CTBP2: variants seen among roughly 807,000 people sequenced by gnomAD.
The protein encoded by CTBP2 is C-terminal-binding protein 2.
Under a neutral mutation model 80.3 loss-of-function variants are expected in CTBP2, and 30 were observed. That is an observed-to-expected ratio of 0.37 (90% CI 0.28 to 0.51). The LOEUF (loss-of-function observed/expected upper bound fraction) is 0.51, where lower values mean the gene tolerates loss of function less well. Ranked by LOEUF, CTBP2 falls within the 20% of genes least tolerant of loss-of-function variation. CTBP2 has a pLI of 0.93. For synonymous variants in CTBP2, 594 were observed against 587.4 expected (o/e 1.01, Z -0.16); for missense variants, 1,212 against 1,375.3 (o/e 0.88, Z 1.88).
chr10:125,001,892 T>C (rs1383415463), intron 3 of CTBP2, among the ~76,000 whole-genome samples: 1 of 152,194 alleles, frequency 6.6e-6, no homozygotes, highest in South Asian at 2.1e-4. Context: ...CTGGAGCCCA[T>C]GGGGGTGGCC....
At chr10:124,991,766 A>G (rs1952655046) in intron 8 of CTBP2, among the ~76,000 whole-genome samples, 1 of 152,002 alleles carries the variant, frequency 6.6e-6, no homozygotes, top group African/African-American at 2.4e-5. Flanking sequence ...GGCCCCAAAT[A>G]TACTTATTGC....
intron 1 of CTBP2, among the ~76,000 whole-genome samples, chr10:125,144,173 G>T (rs1343943062): frequency 6.6e-6 from 1 of 152,134 alleles, no homozygotes; most frequent in Non-Finnish European, 1.5e-5. Context: ...CAACCCGGGG[G>T]ACTCCCACCA....
At chr10:125,125,155 G>A (rs915599274) in intron 1 of CTBP2, among the ~76,000 whole-genome samples, 5 of 152,320 alleles carry the variant, frequency 3.3e-5, no homozygotes, top group Admixed American at 2.0e-4. Context: ...ATGGCTTGCT[G>A]AACTCTGTGT....
chr10:124,986,321 ACAG>A lies in CTBP2; in HGVS notation c.*3194_*3196del, dbSNP rs1480456467. ...CACACACACACACACACACACACACACAGTTTTTTCCTTCCCTGTGATGAAAAA... is the reference window on the plus strand; with the variant it reads ...CACACACACACACACACACACACACATTTTTTCCTTCCCTGTGATGAAAAA... On this transcript the variant is annotated 3_prime_UTR_variant, in exon 9 of 9. Coordinates refer to ENST00000309035, the MANE Select transcript of CTBP2 (RefSeq NM_022802.3). 1.3e-5 allele frequency: 2 copies of A among 152,008 alleles called. No homozygotes were observed. Among genetic ancestry groups the A allele is most frequent in the Admixed American group, 6.6e-5 (1 of 15,198 alleles). 9.4% of individuals were successfully genotyped at this position (152,008 alleles called of 1,614,324 possible). A position where few individuals can be genotyped will look rare whatever the true frequency, so the allele number is the denominator to read the frequency against.
At chr10:125,057,116 G>A (rs146037352) in intron 2 of CTBP2, among the ~76,000 whole-genome samples, 97 of 152,378 alleles carry the variant, frequency 6.4e-4, no homozygotes, top group Middle Eastern at 3.4e-3. Flanking sequence ...AGAAGGCAGT[G>A]CAATCTTATT....
At chr10:125,001,930 G>T (rs1013488937) in intron 3 of CTBP2, among the ~76,000 whole-genome samples, 1 of 152,164 alleles carries the variant, frequency 6.6e-6, no homozygotes, top group East Asian at 1.9e-4. Flanking sequence ...GGTGGTGCCC[G>T]AGAGCAGGAT....
chr10:125,112,605 T>G, intron 1 of CTBP2, among the ~76,000 whole-genome samples: 1 of 151,976 alleles, frequency 6.6e-6, no homozygotes, highest in East Asian at 1.9e-4. Context: ...ATTTTTGTAT[T>G]TTTAGTATAG....
chr10:125,038,143 A>C (rs1959070293), intron 3 of CTBP2, among the ~76,000 whole-genome samples: 1 of 152,200 alleles, frequency 6.6e-6, no homozygotes, highest in South Asian at 2.1e-4. Flanking sequence ...GTGTGGCATG[A>C]GCCACATCTA....
At chr10:125,067,318 A>G (rs2935652) in intron 2 of CTBP2, among the ~76,000 whole-genome samples, 65,095 of 152,082 alleles carry the variant, frequency 0.43, 14,243 homozygotes, top group East Asian at 0.65. Flanking sequence ...AGTGACATAC[A>G]AGGTGAAAAA....
intron 1 of CTBP2, among the ~76,000 whole-genome samples, chr10:125,158,468 C>T (rs1861327714): frequency 1.3e-5 from 2 of 152,178 alleles, no homozygotes; most frequent in African/African-American, 4.8e-5. Context: ...GAATATCCAA[C>T]AGAATTGCAA....
intron 3 of CTBP2, among the ~76,000 whole-genome samples, chr10:125,038,626 T>C (rs916486825): frequency 5.3e-5 from 8 of 152,188 alleles, no homozygotes; most frequent in South Asian, 2.1e-4. Flanking sequence ...GAATTCAGCA[T>C]TGTAAATATC....
chr10:124,995,567 T>C (rs1953370686), intron 4 of CTBP2, among the ~76,000 whole-genome samples: 1 of 152,222 alleles, frequency 6.6e-6, no homozygotes. Flanking sequence ...AGGCAGCCTG[T>C]GTTCCAGGGG....
intron 1 of CTBP2, among the ~76,000 whole-genome samples, chr10:125,010,697 T>C (rs886727997): frequency 1.3e-5 from 2 of 152,212 alleles, no homozygotes; most frequent in Non-Finnish European, 2.9e-5. Context: ...GGACAAGGAC[T>C]GGCCTGAACC....
intron 1 of CTBP2, among the ~76,000 whole-genome samples, chr10:125,116,318 G>GT (rs1853276810): frequency 6.6e-6 from 1 of 152,180 alleles, no homozygotes; most frequent in African/African-American, 2.4e-5. Context: ...TGGAAGCATG[G>GT]TGTCTGTTAG....
chr10:125,040,372 G>A (rs1393437963), intron 2 of CTBP2, among the ~76,000 whole-genome samples: 3 of 149,248 alleles, frequency 2.0e-5, no homozygotes, highest in Non-Finnish European at 3.0e-5. Flanking sequence ...AAAGAATCAC[G>A]TGAATCTGGG....
chr10:125,038,934 G>C, intron 3 of CTBP2, 63 bp downstream of exon 3: 2 of 1,535,976 alleles, frequency 1.3e-6, no homozygotes, highest in Non-Finnish European at 1.8e-6. Context: ...CAAGGGAGCA[G>C]CCAGCGAAGA....
chr10:125,085,086 G>A (rs577800831), intron 2 of CTBP2, among the ~76,000 whole-genome samples: 3 of 152,152 alleles, frequency 2.0e-5, no homozygotes, highest in Non-Finnish European at 2.9e-5. Context: ...ATGGGACTGC[G>A]ACAGAAATTA....
intron 2 of CTBP2, among the ~76,000 whole-genome samples, chr10:125,059,689 G>A (rs960689883): frequency 2.0e-5 from 3 of 152,100 alleles, no homozygotes; most frequent in East Asian, 3.9e-4. Context: ...TTTTGACGTC[G>A]ACCCCAGAAG....
chr10:125,028,048 TC>T lies in CTBP2; in HGVS notation c.-290del. 2 of 569,646 alleles carry T rather than the reference TC, an allele frequency of 3.5e-6. No homozygotes were observed. The highest frequency in any genetic ancestry group is 5.1e-6 in the Non-Finnish European group (2 of 394,464). The allele number at this position is 569,646 out of a possible 1,614,324, so 35.3% of individuals were successfully genotyped here. A position where few individuals can be genotyped will look rare whatever the true frequency, so the allele number is the denominator to read the frequency against. ...AGGAGGCTGTCCCCAGCCTGCCAGG[TC>T]CCCCTTCCTGGCTGGTGTGCTCACA... On this transcript the variant is annotated 5_prime_UTR_variant, in exon 1 of 9. Transcript: ENST00000309035.
Sources: allele counts gnomAD v4.1 joint callset (sites outside exome capture counted in the v4.1 genomes callset), GRCh38; gene constraint gnomAD v4.1.1; transcripts MANE v1.5; gene names NCBI Gene and HGNC (gene_info 2026-07-23, HGNC 2026-07-21).